Variants in TRIT1 observed in about 807,000 individuals in gnomAD.
TRIT1 encodes the protein tRNA isopentenyltransferase 1.
Under a neutral mutation model 51.2 loss-of-function variants are expected in TRIT1, and 43 were observed. That is an observed-to-expected ratio of 0.84 (90% CI 0.66 to 1.08). TRIT1 has a LOEUF of 1.08. Among genes scored for constraint, TRIT1 ranks in the 50% least tolerant of loss-of-function variants. The pLI, the probability that TRIT1 is intolerant of heterozygous loss-of-function variation, is 0.00. For synonymous variants in TRIT1, 184 were observed against 203.9 expected (o/e 0.90, Z 0.83); for missense variants, 528 against 578.4 (o/e 0.91, Z 0.89).
intron 8 of TRIT1, among the ~76,000 whole-genome samples, chr1:39,846,564 C>T (rs1194051817): frequency 2.0e-5 from 3 of 152,108 alleles, no homozygotes; most frequent in Non-Finnish European, 2.9e-5. Flanking sequence ...TATCTACTGC[C>T]GACTAGCTGG....
intron 1 of TRIT1, among the ~76,000 whole-genome samples, chr1:39,860,451 T>G (rs1643171775): frequency 6.6e-6 from 1 of 152,250 alleles, no homozygotes; most frequent in South Asian, 2.1e-4. Flanking sequence ...TGGAGTATTT[T>G]GGATTTTAGA....
In TRIT1 at chr1:39,853,919, C is replaced by A. The variant is rs777451145; in HGVS notation, c.414+51G>T. 4.6e-6 allele frequency: 6 copies of A among 1,294,798 alleles called. No individual in the cohort carries two copies. In the East Asian group the frequency reaches 1.4e-4, roughly 30 times the overall value. 80.2% of individuals were successfully genotyped at this position (1,294,798 alleles called of 1,614,324 possible). A position where few individuals can be genotyped will look rare whatever the true frequency, so the allele number is the denominator to read the frequency against. ...CCTTTCTCCCACTGAAATTAGACAG[C>A]AAGAAAGAGCAATCCATTTCCTCAG... On this transcript the variant is annotated intron_variant, in intron 3 of 10. Transcript: ENST00000316891.
rs575974681 is a variant in TRIT1, at chr1:39,854,601, C to T, written c.316-533G>A. On this transcript the variant is annotated intron_variant, in intron 2 of 10. Transcript: ENST00000316891. ...CTGAAGATAAATAGACTTCAATTTC[C>T]AGGTTCAGCTCTTGGACAATTACTC... is the stretch of plus-strand genomic sequence containing the variant. Among the ~76,000 whole-genome samples the T allele has an allele frequency of 1.8e-4, 27 of 152,246 alleles. No individual in the cohort carries two copies. The South Asian group carries it at 5.4e-3, about 30-fold the overall frequency.
At position 39,841,494 on chromosome 1, in the gene TRIT1, G is replaced by GA. The variant is rs3215539; in HGVS notation, c.*249dup. 0.053 allele frequency: 16,992 copies of GA among 318,850 alleles called. 844 individuals carry two copies. Among genetic ancestry groups the GA allele is most frequent in the African/African-American group, 0.18 (8,384 of 46,018 alleles). 19.8% of individuals were successfully genotyped at this position (318,850 alleles called of 1,614,324 possible). ...AATAATAGAACCTTTAAGGTTCAAA[G>GA]AAAAAAAAAATGCTTTCCTGAACTA... On this transcript the variant is annotated 3_prime_UTR_variant, in exon 11 of 11. Coordinates refer to ENST00000316891, the MANE Select transcript of TRIT1 (RefSeq NM_017646.6).
intron 1 of TRIT1, among the ~76,000 whole-genome samples, chr1:39,859,917 C>T (rs1462916182): frequency 6.6e-6 from 1 of 152,234 alleles, no homozygotes; most frequent in Non-Finnish European, 1.5e-5. Flanking sequence ...TCTACCAGCA[C>T]CTTCTATCAG....
intron 1 of TRIT1, among the ~76,000 whole-genome samples, chr1:39,870,052 G>A (rs994947939): frequency 2.8e-4 from 43 of 152,356 alleles, no homozygotes; most frequent in Admixed American, 2.5e-3. Flanking sequence ...TGACGATGGC[G>A]GTTTTGTCAA....
chr1:39,851,283 C>G (rs544233923), intron 4 of TRIT1, among the ~76,000 whole-genome samples: 8 of 152,146 alleles, frequency 5.3e-5, no homozygotes, highest in African/African-American at 1.9e-4. Flanking sequence ...AGAGCTCTTG[C>G]TTAGAACCTA....
chr1:39,879,489 T>A (rs1427535566), intron 1 of TRIT1, among the ~76,000 whole-genome samples: 1 of 151,582 alleles, frequency 6.6e-6, no homozygotes. Flanking sequence ...ATTTTAAATA[T>A]ATATATATAT....
In TRIT1 at chr1:39,847,558, A is replaced by T; in HGVS notation, c.918T>A (p.Leu306=). 1.2e-6 allele frequency: 2 copies of T among 1,614,184 alleles called. No individual in the cohort carries two copies. Among genetic ancestry groups the T allele is most frequent in the Non-Finnish European group, 1.7e-6 (2 of 1,179,996 alleles). Residue 306 remains leucine, a synonymous_variant, in exon 7 of 11, where the codon CTT becomes CTA. Transcript: ENST00000316891. The stretch of plus-strand genomic sequence containing the variant: ...TGGAAGAATTCACACCTTTCTTTAG[A>T]AGCTGGTTACTAGTCTCCAGTGTGC... ...GKCTLETSNQ[L]LKKGIEALKQ... is the part of the protein sequence containing the mutation.
chr1:39,873,933 T>C (rs1643961621), intron 1 of TRIT1, among the ~76,000 whole-genome samples: 1 of 152,026 alleles, frequency 6.6e-6, no homozygotes, highest in Non-Finnish European at 1.5e-5. Context: ...GAGAATTGCT[T>C]GAACCCGGGG....
intron 1 of TRIT1, among the ~76,000 whole-genome samples, chr1:39,861,448 C>G (rs573589561): frequency 6.6e-6 from 1 of 152,190 alleles, no homozygotes; most frequent in African/African-American, 2.4e-5. Context: ...TTAGCAATTC[C>G]ACTTCAGGTA....
At chr1:39,882,865 C>T (rs151000920) in intron 1 of TRIT1, among the ~76,000 whole-genome samples, 1,623 of 152,338 alleles carry the variant, frequency 0.011, 31 homozygotes, top group African/African-American at 0.038. Flanking sequence ...ATTCCACTCC[C>T]CCAGCAGACA....
chr1:39,878,027 A>AG (rs1404728729), intron 1 of TRIT1, among the ~76,000 whole-genome samples: 7 of 152,242 alleles, frequency 4.6e-5, no homozygotes, highest in Non-Finnish European at 1.0e-4. Flanking sequence ...ATGGCCATGT[A>AG]GAAATCCTCA....
chr1:39,880,444 T>C (rs1190499380), intron 1 of TRIT1, among the ~76,000 whole-genome samples: 2 of 152,136 alleles, frequency 1.3e-5, no homozygotes, highest in Non-Finnish European at 2.9e-5. Context: ...GTTTACATGT[T>C]TACCAAATAC....
At chr1:39,842,222 G>C (rs1191138449) in intron 10 of TRIT1, among the ~76,000 whole-genome samples, 1 of 152,158 alleles carries the variant, frequency 6.6e-6, no homozygotes, top group Non-Finnish European at 1.5e-5. Context: ...GGAAACTGAA[G>C]TTCAGAGAGG....
chr1:39,873,920 C>A (rs1214829657), intron 1 of TRIT1, among the ~76,000 whole-genome samples: 1 of 152,030 alleles, frequency 6.6e-6, no homozygotes, highest in Non-Finnish European at 1.5e-5. Flanking sequence ...GAGGCTGGGG[C>A]AGGAGAATTG....
intron 1 of TRIT1, among the ~76,000 whole-genome samples, chr1:39,864,480 G>A (rs1027696459): frequency 1.1e-4 from 16 of 151,426 alleles, no homozygotes; most frequent in Non-Finnish European, 1.3e-4. Context: ...GTGGTGGCAG[G>A]CGCCTGTAGT....
rs946316234 is a variant in TRIT1, at chr1:39,840,291, T to C, written c.*1453A>G. On this transcript the variant is annotated 3_prime_UTR_variant, in exon 11 of 11. Transcript: ENST00000316891. ...AATCAGTTAAAAGTGGGTGAGGCTC[T>C]GGAATTCAGCACTGTTTAAAAAGGT... 2.6e-5 allele frequency among the ~76,000 whole-genome samples: 4 copies of C among 152,246 alleles called. No homozygotes were observed. Among genetic ancestry groups the C allele is most frequent in the Non-Finnish European group, 5.9e-5 (4 of 68,050 alleles).
intron 1 of TRIT1, among the ~76,000 whole-genome samples, chr1:39,870,104 ATTG>A (rs1189491294): frequency 6.6e-6 from 1 of 152,184 alleles, no homozygotes; most frequent in Non-Finnish European, 1.5e-5. Flanking sequence ...GAGAAATCAG[ATTG>A]TTGCTGTGTC....
Sources: gnomAD v4.1 joint callset for allele counts (sites outside exome capture counted in the v4.1 genomes callset) on GRCh38, gnomAD v4.1.1 for gene constraint, MANE v1.5 for transcripts, NCBI Gene and HGNC (gene_info 2026-07-23, HGNC 2026-07-21) for gene names.